Variants in TAFA1 observed in about 807,000 individuals in gnomAD.
TAFA1 encodes the protein chemokine-like protein TAFA-1.
In TAFA1, 4 loss-of-function variants were observed where a neutral mutation model predicts 18.5. That is an observed-to-expected ratio of 0.22 (90% CI 0.11 to 0.49). The LOEUF is 0.49. Among genes scored for constraint, TAFA1 ranks in the 20% least tolerant of loss-of-function variants. The pLI, the probability that TAFA1 is intolerant of heterozygous loss-of-function variation, is 0.98. For missense variants in TAFA1, 147 were observed against 169.0 expected (o/e 0.87, Z 0.72); for synonymous variants, 56 against 55.2 (o/e 1.01, Z -0.06).
rs532512055 is a variant in TAFA1 at position 68,220,389 on chromosome 3, A to C, written c.119-196891A>C. 2.0e-5 allele frequency among the ~76,000 whole-genome samples: 3 copies of C among 152,300 alleles called. No individual in the cohort carries two copies. In the East Asian group the frequency reaches 5.8e-4, roughly 29 times the overall value. On this transcript the variant is annotated intron_variant, in intron 2 of 4. Coordinates refer to ENST00000478136, the MANE Select transcript of TAFA1 (RefSeq NM_213609.4). Reference sequence around the variant, plus strand: ...AGGGGGCATTTATGCTGAGCCTGGAATAAAAGCAGGCTCACAACTTTAGCA... The same window carrying C: ...AGGGGGCATTTATGCTGAGCCTGGACTAAAAGCAGGCTCACAACTTTAGCA...
At chr3:68,196,838 C>T (rs909712083) in intron 2 of TAFA1, among the ~76,000 whole-genome samples, 1 of 151,694 alleles carries the variant, frequency 6.6e-6, no homozygotes, top group Non-Finnish European at 1.5e-5. Flanking sequence ...AGCTCATTTA[C>T]CAACAACTGA....
chr3:68,342,283 C>A (rs1225073321), intron 2 of TAFA1, among the ~76,000 whole-genome samples: 1 of 152,154 alleles, frequency 6.6e-6, no homozygotes, highest in East Asian at 1.9e-4. Flanking sequence ...CTAAGATTTG[C>A]CATCTTGATG....
intron 3 of TAFA1, among the ~76,000 whole-genome samples, chr3:68,490,893 G>T (rs2072440092): frequency 6.6e-6 from 1 of 151,056 alleles, no homozygotes; most frequent in Non-Finnish European, 1.5e-5. Context: ...AGGCTGGAGT[G>T]CAGTAATGCA....
intron 3 of TAFA1, among the ~76,000 whole-genome samples, chr3:68,478,238 G>A (rs571569411): frequency 4.6e-5 from 7 of 152,174 alleles, no homozygotes; most frequent in Non-Finnish European, 1.0e-4. Flanking sequence ...CAAGTTGACA[G>A]AGTTGAGAAG....
chr3:68,066,402 C>A (rs1229488921), intron 2 of TAFA1, among the ~76,000 whole-genome samples: 1 of 152,086 alleles, frequency 6.6e-6, no homozygotes, highest in African/African-American at 2.4e-5. Context: ...TAAATAAATG[C>A]AAAGAAGGCA....
chr3:68,535,299 C>T (rs565719383), intron 3 of TAFA1, among the ~76,000 whole-genome samples: 85 of 150,924 alleles, frequency 5.6e-4, no homozygotes, highest in Non-Finnish European at 1.1e-3. Flanking sequence ...TGTTCATTCA[C>T]ATAAATAAGT....
chr3:68,478,569 C>T (rs927293855), intron 3 of TAFA1, among the ~76,000 whole-genome samples: 4 of 152,078 alleles, frequency 2.6e-5, no homozygotes, highest in Non-Finnish European at 5.9e-5. Context: ...TCTGTGCCAT[C>T]GTAGTTTATT....
At chr3:68,214,328 T>C (rs965648203) in intron 2 of TAFA1, among the ~76,000 whole-genome samples, 6 of 152,146 alleles carry the variant, frequency 3.9e-5, no homozygotes, top group African/African-American at 1.4e-4. Context: ...TCTCTGAGTA[T>C]AGAAGCTGTG....
chr3:68,544,300 A>G (rs1342069300), intron 4 of TAFA1, among the ~76,000 whole-genome samples, 186 bp from the exon 5 acceptor site: 1 of 152,140 alleles, frequency 6.6e-6, no homozygotes, highest in Non-Finnish European at 1.5e-5. Flanking sequence ...ATGGTGGCCT[A>G]TCAATATGAT....
chr3:68,126,559 T>C (rs776858483), intron 2 of TAFA1, among the ~76,000 whole-genome samples: 5 of 152,232 alleles, frequency 3.3e-5, no homozygotes, highest in Admixed American at 6.5e-5. Context: ...TCCAAACATA[T>C]AAATGTTTTA....
chr3:68,495,392 G>A (rs1285667522), intron 3 of TAFA1, among the ~76,000 whole-genome samples: 2 of 152,070 alleles, frequency 1.3e-5, no homozygotes, highest in Admixed American at 6.6e-5. Context: ...AAAACAATTG[G>A]AAGTATTATA....
chr3:68,381,507 C>T (rs961522894), intron 2 of TAFA1, among the ~76,000 whole-genome samples: 65 of 152,168 alleles, frequency 4.3e-4, no homozygotes, highest in African/African-American at 9.6e-4. Context: ...GTTGGATTCG[C>T]AGGTATTTTA....
chr3:68,062,114 C>T (rs959573270), intron 2 of TAFA1, among the ~76,000 whole-genome samples: 1 of 152,134 alleles, frequency 6.6e-6, no homozygotes, highest in Non-Finnish European at 1.5e-5. Context: ...TAGTGACTAT[C>T]ACTTATTTTT....
In TAFA1 at chr3:68,475,342, A is replaced by T. The variant is rs184411521; in HGVS notation, c.259+57922A>T. 3.2e-3 allele frequency among the ~76,000 whole-genome samples: 454 copies of T among 140,714 alleles called. 4 individuals are homozygous for T. The highest frequency in any genetic ancestry group is 0.011 in the African/African-American group (423 of 38,020). 92.3% of individuals were successfully genotyped at this position (140,714 alleles called of 152,430 possible). A position where few individuals can be genotyped will look rare whatever the true frequency, so the allele number is the denominator to read the frequency against. The stretch of plus-strand genomic sequence containing the variant: ...ACCCCACAACAGTCCCCTGTGTGTG[A>T]TGTTCCCCTTCCTGTCTCCATGTGT... On this transcript the variant is annotated intron_variant, in intron 3 of 4. Transcript: ENST00000478136.
intron 3 of TAFA1, among the ~76,000 whole-genome samples, chr3:68,479,532 G>C (rs1221567522): frequency 2.0e-5 from 3 of 152,022 alleles, no homozygotes; most frequent in Non-Finnish European, 4.4e-5. Flanking sequence ...CAGTTGAACA[G>C]TCTCTTCCTG....
intron 2 of TAFA1, among the ~76,000 whole-genome samples, chr3:68,162,371 A>T (rs770763209): frequency 1.3e-5 from 2 of 151,862 alleles, no homozygotes; most frequent in Non-Finnish European, 2.9e-5. Context: ...TGCAGCCTTG[A>T]TTGCTCACAT....
chr3:68,535,478 G>A (rs185923015), intron 3 of TAFA1, among the ~76,000 whole-genome samples: 9 of 151,620 alleles, frequency 5.9e-5, no homozygotes, highest in Admixed American at 2.6e-4. Flanking sequence ...ATAATATTAC[G>A]TTGTCTTACA....
At chr3:68,502,864 C>G (rs903456769) in intron 3 of TAFA1, among the ~76,000 whole-genome samples, 3 of 152,126 alleles carry the variant, frequency 2.0e-5, no homozygotes, top group African/African-American at 7.2e-5. Flanking sequence ...TGTATTCAGA[C>G]CAACACTCTT....
At chr3:68,197,692 A>C (rs1397686319) in intron 2 of TAFA1, among the ~76,000 whole-genome samples, 1 of 151,666 alleles carries the variant, frequency 6.6e-6, no homozygotes, top group Non-Finnish European at 1.5e-5. Context: ...ATCTTTGTCA[A>C]AACAGCAAGC....
Sources: gnomAD v4.1 joint callset for allele counts (sites outside exome capture counted in the v4.1 genomes callset) on GRCh38, gnomAD v4.1.1 for gene constraint, MANE v1.5 for transcripts, NCBI Gene and HGNC (gene_info 2026-07-23, HGNC 2026-07-21) for gene names.